The following CRY2 variants were observed in gnomAD, a reference collection of about 807,000 sequenced individuals.
CRY2 encodes cryptochrome-2.
In CRY2, 31 loss-of-function variants were observed where a neutral mutation model predicts 69.5. The observed-to-expected ratio is 0.45, with a 90% confidence interval of 0.34 to 0.60. The LOEUF (loss-of-function observed/expected upper bound fraction) is 0.60, where lower values mean the gene tolerates loss of function less well. Among genes scored for constraint, CRY2 ranks in the 20% least tolerant of loss-of-function variants. The pLI is 0.02. For synonymous variants in CRY2, 303 were observed against 312.2 expected (o/e 0.97, Z 0.31); for missense variants, 606 against 797.8 (o/e 0.76, Z 2.90).
In CRY2 at chr11:45,869,157, C is replaced by T. The variant is rs371643515; in HGVS notation, c.883-349C>T. Reference sequence around the variant, plus strand: ...TTCATGTGTGCTGATAGGAAAATTCCTTTTGACTTTCTAGAAGGTGGAGCC... The same window carrying T: ...TTCATGTGTGCTGATAGGAAAATTCTTTTTGACTTTCTAGAAGGTGGAGCC... On this transcript the variant is annotated intron_variant, in intron 6 of 11. Coordinates refer to ENST00000616080, the MANE Select transcript of CRY2 (RefSeq NM_021117.5). Among the ~76,000 whole-genome samples, 246 of 152,306 alleles carry T rather than the reference C, an allele frequency of 1.6e-3. 4 individuals carry two copies. Among genetic ancestry groups the T allele is most frequent in the Middle Eastern group, 6.8e-3 (2 of 294 alleles).
intron 5 of CRY2, 74 bp downstream of exon 5, chr11:45,862,222 G>A: frequency 7.3e-7 from 1 of 1,374,114 alleles, no homozygotes; most frequent in Non-Finnish European, 1.0e-6. Context: ...TCATGTCCAT[G>A]TCCTTTAGTC....
intron 1 of CRY2, 30 bp downstream of exon 1, chr11:45,847,735 A>G (rs1590759080): frequency 6.6e-7 from 1 of 1,526,192 alleles, no homozygotes; most frequent in South Asian, 1.3e-5. Context: ...GGTGGCGGGG[A>G]CGCAGCCAGG....
In CRY2 at chr11:45,850,830, C is replaced by CTACA. The variant is rs138463978; in HGVS notation, c.215+3126_215+3129dup. The stretch of plus-strand genomic sequence containing the variant: ...TGACTCTGTTTCCCTCCTGCTCCTT[C>CTACA]TACACTGACTCCCACACAATGTTTT... On this transcript the variant is annotated intron_variant, in intron 1 of 11. Coordinates refer to ENST00000616080, the MANE Select transcript of CRY2 (RefSeq NM_021117.5). 4.7e-3 allele frequency among the ~76,000 whole-genome samples: 713 copies of CTACA among 152,268 alleles called. 25 individuals are homozygous for CTACA. The South Asian group carries it at 0.09, about 19-fold the overall frequency.
chr11:45,858,993 C>T, intron 3 of CRY2, 120 bp downstream of exon 3: 2 of 1,231,230 alleles, frequency 1.6e-6, no homozygotes, highest in East Asian at 2.4e-5. Context: ...GGCATGGCAT[C>T]TTCTAGAAGC....
At chr11:45,852,709 A>G (rs2086207090) in intron 1 of CRY2, among the ~76,000 whole-genome samples, 1 of 152,260 alleles carries the variant, frequency 6.6e-6, no homozygotes, top group Non-Finnish European at 1.5e-5. Flanking sequence ...AAAGTTTAGT[A>G]CAAACAAACT....
chr11:45,847,542 G>T lies in CRY2; in HGVS notation c.52G>T (p.Gly18Cys). Residue 18 changes from glycine (G) to cysteine (C), a missense_variant, in exon 1 of 12, where the codon GGC becomes TGC. This residue lies in a region of CRY2 where 45 missense variants were observed against 35.7 expected (regional missense o/e 1.26). Transcript: ENST00000616080. ...AGCTGTGGCCCCGGCGCCAGCGCCC[G>T]GCACGGACAGCGCCTCTTCGGTGCA... is the stretch of plus-strand genomic sequence containing the variant. ...AAAVAPAPAP[G>C]TDSASSVHWF... 6.3e-7 allele frequency: 1 copy of T among 1,588,136 alleles called. No individual in the cohort carries two copies. Among genetic ancestry groups the T allele is most frequent in the Non-Finnish European group, 8.5e-7 (1 of 1,171,184 alleles).
chr11:45,879,014 G>A (rs2086447817), intron 11 of CRY2, among the ~76,000 whole-genome samples: 1 of 148,986 alleles, frequency 6.7e-6, no homozygotes, highest in Non-Finnish European at 1.5e-5. Flanking sequence ...TGGATCACCT[G>A]AGGTCAGGAG....
At chr11:45,877,933 G>C (rs2086436464) in intron 11 of CRY2, among the ~76,000 whole-genome samples, 1 of 152,190 alleles carries the variant, frequency 6.6e-6, no homozygotes, top group East Asian at 1.9e-4. Context: ...TGGTAGCTTT[G>C]AAACCATCAT....
intron 5 of CRY2, among the ~76,000 whole-genome samples, chr11:45,865,497 T>C (rs2086324033): frequency 6.6e-6 from 1 of 152,196 alleles, no homozygotes; most frequent in African/African-American, 2.4e-5. Context: ...ACCTAGTATC[T>C]GTTAGAAGTG....
At chr11:45,880,351 C>T (rs1272237831) in intron 11 of CRY2, among the ~76,000 whole-genome samples, 1 of 152,158 alleles carries the variant, frequency 6.6e-6, no homozygotes, top group Non-Finnish European at 1.5e-5. Flanking sequence ...TGTCATAAAT[C>T]TTTAAAATGA....
chr11:45,871,818 G>GGACA (rs2086385791), intron 10 of CRY2, among the ~76,000 whole-genome samples: 1 of 152,238 alleles, frequency 6.6e-6, no homozygotes, highest in East Asian at 1.9e-4. Context: ...CAGGACAGCA[G>GGACA]GCAGGCCAAA....
At chr11:45,864,518 G>A (rs1231570959) in intron 5 of CRY2, among the ~76,000 whole-genome samples, 1 of 151,972 alleles carries the variant, frequency 6.6e-6, no homozygotes, top group Non-Finnish European at 1.5e-5. Flanking sequence ...TACTTGGGAG[G>A]CTGAGGTGGG....
Position 45,882,094 on chromosome 11 carries a change from G to C in CRY2, c.*1183G>C, listed in dbSNP as rs1346000856. 6.6e-6 allele frequency: 1 copy of C among 152,416 alleles called. No individual in the cohort carries two copies. The highest frequency in any genetic ancestry group is 1.5e-5 in the Non-Finnish European group (1 of 68,150). 9.4% of individuals were successfully genotyped at this position (152,416 alleles called of 1,614,324 possible). Reference sequence around the variant, plus strand: ...TTCCTTCCAGGAGCAGTAGGTGGGAGGTTTGACCCAGAGAAGCCAATCCTT... The same window carrying C: ...TTCCTTCCAGGAGCAGTAGGTGGGACGTTTGACCCAGAGAAGCCAATCCTT... On this transcript the variant is annotated 3_prime_UTR_variant, in exon 12 of 12. Transcript: ENST00000616080.
chr11:45,847,192 C>G (rs2086154995), upstream of CRY2: 3 of 1,549,944 alleles, frequency 1.9e-6, no homozygotes, highest in Middle Eastern at 3.3e-4. Context: ...GGCCTACTCC[C>G]GGCACTCCGC....
At chr11:45,873,698 A>T (rs1040469614) in intron 11 of CRY2, among the ~76,000 whole-genome samples, 13 of 152,348 alleles carry the variant, frequency 8.5e-5, no homozygotes, top group African/African-American at 1.9e-4. Flanking sequence ...ATCCATAAGG[A>T]TTGAACAGTC....
chr11:45,872,162 T>C lies in CRY2; in HGVS notation c.1713T>C (p.Gly571=), dbSNP rs1240628432. The part of the protein sequence containing the change: ...RKLEAAEEPP[G]EELSKRARVA... ...TGGAAGCAGCCGAGGAACCACCTGGTGAAGAACTCAGCAAACGGGCCCGGG... is the reference window on the plus strand; with the variant it reads ...TGGAAGCAGCCGAGGAACCACCTGGCGAAGAACTCAGCAAACGGGCCCGGG... The change falls in exon 11 of 12, where the codon GGT becomes GGC. Residue 571 remains glycine (G), a synonymous_variant. Transcript: ENST00000616080. The C allele has an allele frequency of 6.2e-7, 1 of 1,613,854 alleles. No homozygotes were observed. Among genetic ancestry groups the C allele is most frequent in the African/African-American group, 1.3e-5 (1 of 74,830 alleles).
At chr11:45,847,157 A>T, upstream of CRY2, 1 of 1,540,106 alleles carries the variant, frequency 6.5e-7, no homozygotes, top group Non-Finnish European at 8.8e-7. Flanking sequence ...GACGTGGGTA[A>T]GAGATCCGCT....
rs2086466950 is a variant in CRY2 at position 45,880,942 on chromosome 11, C to T, written c.*31C>T. 1.3e-5 allele frequency: 2 copies of T among 152,328 alleles called. 1 individual carries two copies. Among genetic ancestry groups the T allele is most frequent in the South Asian group, 4.1e-4 (2 of 4,832 alleles). 9.4% of individuals were successfully genotyped at this position (152,328 alleles called of 1,614,324 possible). A position where few individuals can be genotyped will look rare whatever the true frequency, so the allele number is the denominator to read the frequency against. On this transcript the variant is annotated 3_prime_UTR_variant, in exon 12 of 12. Coordinates refer to ENST00000616080, the MANE Select transcript of CRY2 (RefSeq NM_021117.5). ...CAGAGCCCTTGCTCCGTGAGCAAAG[C>T]CTGGGTGCCCAAGCAGCCACCGCAG...
rs1437037030 is a variant in CRY2 at position 45,861,878 on chromosome 11, G to A, written c.653-182G>A. The A allele has an allele frequency of 6.9e-5, 41 of 596,254 alleles. No homozygotes were observed. The Admixed American group carries it at 1.3e-3, about 18-fold the overall frequency. The allele number at this position is 596,254 out of a possible 1,614,324, so 36.9% of individuals were successfully genotyped here. On this transcript the variant is annotated intron_variant, in intron 4 of 11. Transcript: ENST00000616080. ...GGTGCAGGGGAAAGCAGAGAAAATA[G>A]TGACTGTGGGAAGAGAACCAAGTTG...
Sources: allele counts gnomAD v4.1 joint callset (sites outside exome capture counted in the v4.1 genomes callset), GRCh38; gene constraint gnomAD v4.1.1; regional missense constraint gnomAD v4.1.1; transcripts MANE v1.5; gene names NCBI Gene and HGNC (gene_info 2026-07-23, HGNC 2026-07-21).